Variants in NEBL observed in about 807,000 individuals in gnomAD.
NEBL encodes LIM and SH3 protein 2.
Under a neutral mutation model 140.2 loss-of-function variants are expected in NEBL, and 122 were observed. The ratio of observed to expected loss-of-function variants is 0.87; its 90% CI spans 0.75 to 1.01. The LOEUF (loss-of-function observed/expected upper bound fraction) is 1.01, where lower values mean the gene tolerates loss of function less well. Ranked by LOEUF, NEBL falls within the 50% of genes least tolerant of loss-of-function variation. The pLI, the probability that NEBL is intolerant of heterozygous loss-of-function variation, is 0.00. For synonymous variants in NEBL, 436 were observed against 398.9 expected (o/e 1.09, Z -1.11); for missense variants, 1,365 against 1,231.3 (o/e 1.11, Z -1.62).
intron 26 of NEBL, among the ~76,000 whole-genome samples, chr10:20,795,523 C>G (rs1836419280): frequency 1.3e-5 from 2 of 151,888 alleles, no homozygotes; most frequent in African/African-American, 4.8e-5. Flanking sequence ...ATTTTAGCAT[C>G]TGACAAGTCT....
intron 3 of NEBL, among the ~76,000 whole-genome samples, chr10:21,015,571 T>C (rs1006865571): frequency 1.3e-5 from 2 of 152,176 alleles, no homozygotes; most frequent in African/African-American, 4.8e-5. Context: ...AGCACAGTGG[T>C]GTGATTACAG....
At position 21,159,901 on chromosome 10, in the gene NEBL, A is replaced by T. The variant is rs546585605; in HGVS notation, c.164+12482T>A. Among the ~76,000 whole-genome samples the T allele has an allele frequency of 7.9e-5, 12 of 152,324 alleles. No homozygotes were observed. In the East Asian group the frequency reaches 2.3e-3, roughly 29 times the overall value. On this transcript the variant is annotated intron_variant, in intron 2 of 6. Transcript: ENST00000417816. Reference sequence around the variant, plus strand: ...GGCTATGCATTGGTACAGACAGGTGAGGTCATAAATATTCCCCTGCTGGTC... The same window carrying T: ...GGCTATGCATTGGTACAGACAGGTGTGGTCATAAATATTCCCCTGCTGGTC...
At chr10:20,788,865 C>G (rs1050457791) in intron 26 of NEBL, among the ~76,000 whole-genome samples, 7 of 152,142 alleles carry the variant, frequency 4.6e-5, no homozygotes, top group Non-Finnish European at 8.8e-5. Context: ...AGTAGGGAGG[C>G]TTTTCTATAT....
chr10:20,955,311 A>C (rs114492652), intron 4 of NEBL, among the ~76,000 whole-genome samples: 3,017 of 152,340 alleles, frequency 0.02, 112 homozygotes, highest in African/African-American at 0.069. Flanking sequence ...GGAGAATATG[A>C]TGTGTGAAAT....
At chr10:21,196,318 TTTATTTA>T (rs1841649021) in intron 3 of NEBL, among the ~76,000 whole-genome samples, 2 of 131,370 alleles carry the variant, frequency 1.5e-5, no homozygotes, top group African/African-American at 3.6e-5. Flanking sequence ...TTTATTTTTA[TTTATTTA>T]TTTATTTATT....
intron 16 of NEBL, among the ~76,000 whole-genome samples, chr10:20,830,471 C>G (rs1226452574): frequency 6.6e-6 from 1 of 152,058 alleles, no homozygotes; most frequent in Non-Finnish European, 1.5e-5. Flanking sequence ...GTCACTACTT[C>G]TCCCACATCC....
intron 2 of NEBL, among the ~76,000 whole-genome samples, chr10:21,154,753 C>T (rs897556705): frequency 6.6e-6 from 1 of 152,178 alleles, no homozygotes; most frequent in Non-Finnish European, 1.5e-5. Context: ...CCAAATCTTA[C>T]ACAAAATCTA....
intron 26 of NEBL, among the ~76,000 whole-genome samples, chr10:20,787,699 T>C (rs917484730): frequency 5.3e-5 from 8 of 152,200 alleles, no homozygotes; most frequent in African/African-American, 1.9e-4. Flanking sequence ...TGATAGAGTA[T>C]AAGTGTTTTC....
At chr10:20,999,085 T>A (rs1837780691) in intron 3 of NEBL, among the ~76,000 whole-genome samples, 1 of 151,864 alleles carries the variant, frequency 6.6e-6, no homozygotes, top group Admixed American at 6.6e-5. Context: ...TTTATTTTTA[T>A]CTGCGGCACC....
At position 21,049,427 on chromosome 10, in the gene NEBL, ACC is replaced by A. The variant is rs1454294580; in HGVS notation, c.165-29228_165-29227del. 1.7e-3 allele frequency among the ~76,000 whole-genome samples: 254 copies of A among 152,276 alleles called. 2 individuals carry two copies. Among genetic ancestry groups the A allele is most frequent in the African/African-American group, 5.6e-3 (234 of 41,546 alleles). On this transcript the variant is annotated intron_variant, in intron 2 of 6. Coordinates refer to the NEBL transcript ENST00000417816. The stretch of plus-strand genomic sequence containing the variant: ...GAACTTAGCAAAATTATTTATTCTA[ACC>A]AAGCTCATAAGAAGATTGATTACAC...
intron 2 of NEBL, among the ~76,000 whole-genome samples, chr10:21,032,036 T>G (rs1282333891): frequency 6.6e-6 from 1 of 152,172 alleles, no homozygotes; most frequent in African/African-American, 2.4e-5. Context: ...TCCTAGGAAA[T>G]GGTATAAGAA....
chr10:20,926,507 CCA>C (rs1256409870), intron 4 of NEBL, among the ~76,000 whole-genome samples: 4 of 152,174 alleles, frequency 2.6e-5, no homozygotes, highest in African/African-American at 4.8e-5. Flanking sequence ...TGAAAATTAT[CCA>C]CAGTTTGTCC....
intron 2 of NEBL, among the ~76,000 whole-genome samples, chr10:21,092,450 C>T (rs913200876): frequency 7.2e-5 from 11 of 152,042 alleles, no homozygotes; most frequent in South Asian, 4.2e-4. Flanking sequence ...TGATTTATTC[C>T]GATATCACTT....
chr10:20,887,653 G>T (rs528344505), intron 4 of NEBL, among the ~76,000 whole-genome samples: 6 of 152,090 alleles, frequency 3.9e-5, no homozygotes, highest in Admixed American at 1.3e-4. Flanking sequence ...CTGAGCTCAA[G>T]CATTCTGCCC....
At chr10:20,925,806 G>C (rs925220590) in intron 4 of NEBL, among the ~76,000 whole-genome samples, 1 of 151,864 alleles carries the variant, frequency 6.6e-6, no homozygotes, top group African/African-American at 2.4e-5. Context: ...GGAAAATCTG[G>C]ACATAGAGCT....
At chr10:21,098,060 G>A (rs574686023) in intron 2 of NEBL, among the ~76,000 whole-genome samples, 1 of 152,274 alleles carries the variant, frequency 6.6e-6, no homozygotes, top group South Asian at 2.1e-4. Flanking sequence ...TCTAAATGTT[G>A]CAAAAGGATG....
chr10:21,089,112 T>C (rs570083536), intron 2 of NEBL, among the ~76,000 whole-genome samples: 1 of 152,040 alleles, frequency 6.6e-6, no homozygotes, highest in African/African-American at 2.4e-5. Flanking sequence ...GACAGGATTG[T>C]GTGGGAATTA....
intron 3 of NEBL, among the ~76,000 whole-genome samples, chr10:20,987,604 T>G (rs1195803734): frequency 6.6e-6 from 1 of 152,154 alleles, no homozygotes; most frequent in Non-Finnish European, 1.5e-5. Flanking sequence ...CCAATAGCTG[T>G]GCTGCCTCCC....
intron 4 of NEBL, among the ~76,000 whole-genome samples, chr10:20,956,136 C>T (rs1401106738): frequency 5.9e-5 from 9 of 152,154 alleles, no homozygotes; most frequent in African/African-American, 2.2e-4. Context: ...AAAAATAAAG[C>T]AAAACCAGGT....
Sources: allele counts gnomAD v4.1 joint callset (sites outside exome capture counted in the v4.1 genomes callset), GRCh38; gene constraint gnomAD v4.1.1; transcripts MANE v1.5; gene names NCBI Gene and HGNC (gene_info 2026-07-23, HGNC 2026-07-21).